Variants in USP10 observed in about 807,000 individuals in gnomAD.
USP10 encodes ubiquitin specific peptidase 10, also known as ubiquitin carboxyl-terminal hydrolase 10.
A neutral mutation model predicts 84.5 loss-of-function variants in USP10; 22 were observed. That is an observed-to-expected ratio of 0.26 (90% CI 0.19 to 0.37). The LOEUF is 0.37. USP10 is among the 10% of genes least tolerant of loss of function. The probability of loss-of-function intolerance (pLI) is 1.00; values close to 1 mark genes in which losing one functional copy is unlikely to be tolerated. For synonymous variants in USP10, 454 were observed against 387.6 expected (o/e 1.17, Z -2.01); for missense variants, 1,019 against 998.9 (o/e 1.02, Z -0.27).
chr16:84,733,115 A>G (rs1376163980), intron 1 of USP10: 1 of 480,692 alleles, frequency 2.1e-6, no homozygotes, highest in African/African-American at 2.0e-5. Context: ...GGTAAATGGA[A>G]CAACTGGCAG....
chr16:84,717,904 T>C (rs928507324), intron 1 of USP10, among the ~76,000 whole-genome samples: 2 of 152,334 alleles, frequency 1.3e-5, no homozygotes, highest in Non-Finnish European at 2.9e-5. Flanking sequence ...TCTGAACATT[T>C]TGATATTTTG....
chr16:84,753,658 C>G (rs1912196263), intron 4 of USP10, among the ~76,000 whole-genome samples: 1 of 152,230 alleles, frequency 6.6e-6, no homozygotes, highest in Non-Finnish European at 1.5e-5. Context: ...TACTGTGCGT[C>G]TTCTCAGGAG....
rs766786604 is a variant in USP10 at position 84,744,852 on chromosome 16, T to C, written c.371T>C (p.Leu124Ser). ...CAGTACCCAGGCTCTGCCCTCGCTT[T>C]GGATGGAAGTTCTAATGTGGAGGCG... ...DCQYPGSALA[L>S]DGSSNVEAEV... Residue 124 changes from leucine to serine, a missense_variant, in exon 4 of 14, where the codon TTG becomes TCG. Around this residue, in one of 2 missense-constraint regions of USP10, gnomAD observed 787 missense variants for 708.8 expected, o/e 1.11. Coordinates refer to ENST00000219473, the MANE Select transcript of USP10 (RefSeq NM_005153.3). 34 of 1,613,768 alleles carry C rather than the reference T, an allele frequency of 2.1e-5. No individual in the cohort carries two copies. The highest frequency in any genetic ancestry group is 2.9e-5 in the Non-Finnish European group (34 of 1,179,710).
intron 1 of USP10, chr16:84,709,117 C>T (rs1368961191): frequency 6.6e-6 from 1 of 152,186 alleles, no homozygotes; most frequent in African/African-American, 2.4e-5. Context: ...GAGTGATGAG[C>T]GAAAACAGGC....
chr16:84,777,945 G>C (rs1443021612), intron 13 of USP10, among the ~76,000 whole-genome samples: 4 of 152,334 alleles, frequency 2.6e-5, no homozygotes, highest in Admixed American at 2.0e-4. Context: ...CTGCTGGCCA[G>C]GCAGACCTGT....
chr16:84,714,768 G>C (rs1344917570), intron 1 of USP10, among the ~76,000 whole-genome samples: 1 of 151,622 alleles, frequency 6.6e-6, no homozygotes, highest in African/African-American at 2.4e-5. Context: ...GATTATTTTT[G>C]GGGTGAAGGG....
chr16:84,768,460 C>A, intron 11 of USP10, 102 bp downstream of exon 11: 1 of 1,171,868 alleles, frequency 8.5e-7, no homozygotes, highest in Non-Finnish European at 1.1e-6. Context: ...AGTTATGCCT[C>A]TTAAATCAGT....
intron 2 of USP10, among the ~76,000 whole-genome samples, chr16:84,733,836 G>A (rs1349140174): frequency 1.3e-5 from 2 of 152,294 alleles, no homozygotes; most frequent in African/African-American, 2.4e-5. Flanking sequence ...TATCATATAC[G>A]TGTATATCAC....
chr16:84,757,290 G>A lies in USP10; in HGVS notation c.1193-1426G>A, dbSNP rs982859076. Among the ~76,000 whole-genome samples the A allele has an allele frequency of 8.5e-5, 13 of 152,138 alleles. No individual in the cohort carries two copies. The East Asian group carries it at 2.5e-3, about 29-fold the overall frequency. On this transcript the variant is annotated intron_variant, in intron 4 of 13. Coordinates refer to ENST00000219473, the MANE Select transcript of USP10 (RefSeq NM_005153.3). ...TAATTAAACAGATTCCACAGAATCT[G>A]TAATATTTTACTTTCTACAGAAGAA...
At chr16:84,722,276 C>T (rs910344535) in intron 1 of USP10, among the ~76,000 whole-genome samples, 8 of 152,174 alleles carry the variant, frequency 5.3e-5, no homozygotes, top group Admixed American at 5.2e-4. Context: ...TGAGTTCCAG[C>T]CTTTTCAGTA....
Position 84,772,611 on chromosome 16 carries a change from T to G in USP10, c.2069T>G (p.Val690Gly), listed in dbSNP as rs1914575055. The G allele has an allele frequency of 6.2e-7, 1 of 1,613,866 alleles. No homozygotes were observed. Among genetic ancestry groups the G allele is most frequent in the African/African-American group, 1.3e-5 (1 of 74,900 alleles). ...PVLVLHLKRF[V>G]YEKTGGCQKL... ...CTCGTGCTGCACCTGAAACGATTCGTTTATGAGAAGACTGGTGGGTGCCAG... is the reference window on the plus strand; with the variant it reads ...CTCGTGCTGCACCTGAAACGATTCGGTTATGAGAAGACTGGTGGGTGCCAG... The change falls in exon 12 of 14, where the codon GTT becomes GGT. Residue 690 changes from valine to glycine, a missense_variant. Around this residue, in one of 2 missense-constraint regions of USP10, gnomAD observed 232 missense variants for 290.1 expected, o/e 0.80. Coordinates refer to ENST00000219473, the MANE Select transcript of USP10 (RefSeq NM_005153.3).
At chr16:84,773,874 C>T (rs927862193) in intron 12 of USP10, among the ~76,000 whole-genome samples, 1 of 152,186 alleles carries the variant, frequency 6.6e-6, no homozygotes, top group Admixed American at 6.5e-5. Flanking sequence ...GGATGTTTTG[C>T]TACAGTGATT....
intron 12 of USP10, 105 bp downstream of exon 12, chr16:84,772,790 C>T (rs1453631279): frequency 7.0e-7 from 1 of 1,419,928 alleles, no homozygotes; most frequent in Non-Finnish European, 9.5e-7. Context: ...AGGACATTCT[C>T]TTGCTGGACG....
chr16:84,768,525 A>G (rs1253510133), intron 11 of USP10, among the ~76,000 whole-genome samples, 167 bp downstream of exon 11: 3 of 152,210 alleles, frequency 2.0e-5, no homozygotes, highest in African/African-American at 7.2e-5. Context: ...AATGGTTGAA[A>G]CGTGATCCCA....
chr16:84,710,067 T>C lies in USP10; in HGVS notation c.21+9956T>C, dbSNP rs141825808. ...GACGGATCACTTGAGGTAAGGAGTT[T>C]GAGACCAGTCTGGCCAACATGCTGA... On this transcript the variant is annotated intron_variant, in intron 1 of 13. Coordinates refer to ENST00000219473, the MANE Select transcript of USP10 (RefSeq NM_005153.3). 3.4e-4 allele frequency among the ~76,000 whole-genome samples: 52 copies of C among 152,138 alleles called. No individual in the cohort carries two copies. In the East Asian group the frequency reaches 7.5e-3, roughly 22 times the overall value.
chr16:84,728,283 G>C (rs1264138080), intron 1 of USP10, among the ~76,000 whole-genome samples: 1 of 151,870 alleles, frequency 6.6e-6, no homozygotes, highest in Non-Finnish European at 1.5e-5. Flanking sequence ...GTCACTCACT[G>C]GTATTTGCTA....
chr16:84,776,514 C>T (rs1444550717), intron 13 of USP10, among the ~76,000 whole-genome samples: 2 of 152,218 alleles, frequency 1.3e-5, no homozygotes, highest in African/African-American at 4.8e-5. Flanking sequence ...CCAGCCCTGT[C>T]TGGAATGGAA....
At chr16:84,700,163 C>A in intron 1 of USP10, 52 bp downstream of exon 1, 1 of 1,203,790 alleles carries the variant, frequency 8.3e-7, no homozygotes, top group Non-Finnish European at 1.0e-6. Flanking sequence ...CCCGGGCGGG[C>A]GGACGCCGCG....
chr16:84,764,939 A>AAATATATATATATATAT (rs370383030), intron 10 of USP10, among the ~76,000 whole-genome samples: 4 of 132,268 alleles, frequency 3.0e-5, no homozygotes, highest in East Asian at 4.9e-4. Context: ...GAGAAAAAAA[A>AAATATATATATATATAT]ATATATATAT....
Sources: gnomAD v4.1 joint callset for allele counts (sites outside exome capture counted in the v4.1 genomes callset) on GRCh38, gnomAD v4.1.1 for gene constraint, gnomAD v4.1.1 regional missense constraint, MANE v1.5 for transcripts, NCBI Gene and HGNC (gene_info 2026-07-23, HGNC 2026-07-21) for gene names.